The following ZDHHC16 variants were observed in gnomAD, a reference collection of about 807,000 sequenced individuals.
The protein encoded by ZDHHC16 is zDHHC palmitoyltransferase 16.
Under a neutral mutation model 54.4 loss-of-function variants are expected in ZDHHC16, and 33 were observed. The observed-to-expected ratio is 0.61, with a 90% CI of 0.46 to 0.81. The LOEUF is 0.81. ZDHHC16 is among the 30% of genes least tolerant of loss of function. The pLI is 0.00. For synonymous variants in ZDHHC16, 185 were observed against 182.1 expected, an observed-to-expected ratio of 1.02 and a Z score of -0.13; for missense variants, 420 against 485.9, an observed-to-expected ratio of 0.86 and a Z score of 1.28.
At chr10:97,456,429 C>CT in intron 11 of ZDHHC16, 2 of 306,334 alleles carry the variant, frequency 6.5e-6, no homozygotes, top group Non-Finnish European at 1.2e-5. Flanking sequence ...AGCTAGCTCT[C>CT]TCAGCCCAAG....
At position 97,454,758 on chromosome 10, in the gene ZDHHC16, G is replaced by C. The variant is rs1374795374; in HGVS notation, c.783G>C (p.Arg261Ser). ...CACCCACCTTCTCCTTTCGAGAAAG[G>C]ATGACTCACAAGAGTCTTGTCTACC... ...TPPPTFSFRERMTHKSLVYLW... is the reference protein window; with the variant it reads ...TPPPTFSFRESMTHKSLVYLW... The change falls in exon 9 of 12, where the codon AGG becomes AGC. Residue 261 changes from arginine (R) to serine (S), a missense_variant. Physicochemically the swap from Arg to Ser is moderately radical, Grantham distance 110. Coordinates refer to ENST00000393760, the MANE Select transcript of ZDHHC16 (RefSeq NM_198046.3). 2.5e-6 allele frequency: 4 copies of C among 1,614,152 alleles called. No individual in the cohort carries two copies. Among genetic ancestry groups the C allele is most frequent in the Non-Finnish European group, 3.4e-6 (4 of 1,180,026 alleles).
chr10:97,451,580 T>C, intron 2 of ZDHHC16, 91 bp from the exon 3 acceptor site: 1 of 1,509,936 alleles, frequency 6.6e-7, no homozygotes, highest in Non-Finnish European at 8.9e-7. Context: ...TCTTAGGTCT[T>C]TGCCCTCCAA....
At position 97,453,338 on chromosome 10, in the gene ZDHHC16, AAAAGCTT is replaced by A. The variant is rs879835151; in HGVS notation, c.557-191_557-185del. Reference sequence around the variant, plus strand: ...TTCTTGGTGGGACCTGAATGCTCTGAAAAGCTTTGAGCATTTTCACCTCAACCTTGGG... The same window carrying A: ...TTCTTGGTGGGACCTGAATGCTCTGATGAGCATTTTCACCTCAACCTTGGG... On this transcript the variant is annotated intron_variant, in intron 6 of 11. Transcript: ENST00000393760. 3.3e-4 allele frequency among the ~76,000 whole-genome samples: 51 copies of A among 152,246 alleles called. 1 individual carries two copies. The East Asian group carries it at 9.1e-3, about 27-fold the overall frequency.
intron 1 of ZDHHC16, among the ~76,000 whole-genome samples, chr10:97,449,134 G>A (rs1056641239): frequency 6.6e-6 from 1 of 152,092 alleles, no homozygotes; most frequent in Non-Finnish European, 1.5e-5. Flanking sequence ...CTAAAGAATT[G>A]GGTAAATCTG....
At chr10:97,453,993 C>A in intron 8 of ZDHHC16, 147 bp downstream of exon 8, 1 of 1,104,932 alleles carries the variant, frequency 9.1e-7, no homozygotes, top group Non-Finnish European at 1.3e-6. Context: ...GGCAGGCTGG[C>A]TGTGGTGGGT....
chr10:97,452,334 TC>T, intron 4 of ZDHHC16, 50 bp downstream of exon 4: 1 of 1,612,392 alleles, frequency 6.2e-7, no homozygotes. Context: ...TGGGAGCTGG[TC>T]CCAGGAGTGG....
intron 3 of ZDHHC16, 49 bp from the exon 4 acceptor site, chr10:97,452,041 T>C (rs1846682912): frequency 6.2e-7 from 1 of 1,611,592 alleles, no homozygotes. Context: ...GAGTCTCCTT[T>C]GGGCATAGCT....
In ZDHHC16 at chr10:97,452,396, A is replaced by G; in HGVS notation, c.439-19A>G. The G allele has an allele frequency of 6.2e-7, 1 of 1,613,722 alleles. No homozygotes were observed. Among genetic ancestry groups the G allele is most frequent in the South Asian group, 1.1e-5 (1 of 91,058 alleles). On this transcript the variant is annotated intron_variant, in intron 4 of 11. Coordinates refer to ENST00000393760, the MANE Select transcript of ZDHHC16 (RefSeq NM_198046.3). ...GAGACAGAACTGGTGCTGCCACGTT[A>G]TGCTCTCCCTTCACACAGGGCAGGA...
At chr10:97,449,510 G>A (rs1257780234) in intron 1 of ZDHHC16, among the ~76,000 whole-genome samples, 1 of 152,102 alleles carries the variant, frequency 6.6e-6, no homozygotes, top group East Asian at 1.9e-4. Flanking sequence ...CCAAACAATA[G>A]GGGTGGAAGT....
chr10:97,453,199 C>T (rs979744135), intron 6 of ZDHHC16, among the ~76,000 whole-genome samples: 9 of 152,172 alleles, frequency 5.9e-5, no homozygotes, highest in Admixed American at 2.6e-4. Flanking sequence ...TTACTGTGTA[C>T]GCCAGATAGA....
In ZDHHC16 at chr10:97,453,854, GT is replaced by G; in HGVS notation, c.738+9del. On this transcript the variant is annotated intron_variant, in intron 8 of 11. Coordinates refer to ENST00000393760, the MANE Select transcript of ZDHHC16 (RefSeq NM_198046.3). ...CAGGCGGTTGCCAACCAGGTGGGCT[GT>G]CCCCACCCCACTGCCTCCTGCTGCT... The G allele has an allele frequency of 1.2e-6, 2 of 1,614,166 alleles. No individual in the cohort carries two copies. The highest frequency in any genetic ancestry group is 1.7e-6 in the Non-Finnish European group (2 of 1,180,036).
chr10:97,452,018 C>G, intron 3 of ZDHHC16, 72 bp from the exon 4 acceptor site: 1 of 1,602,688 alleles, frequency 6.2e-7, no homozygotes, highest in Admixed American at 1.7e-5. Flanking sequence ...GCCCCCACCC[C>G]CAGGGAAACT....
rs991059495 is a variant in ZDHHC16, at chr10:97,451,440, T to C, written c.-5-231T>C. Among the ~76,000 whole-genome samples, 9 of 152,232 alleles carry C rather than the reference T, an allele frequency of 5.9e-5. 1 individual carries two copies. The highest frequency in any genetic ancestry group is 2.2e-4 in the African/African-American group (9 of 41,462). On this transcript the variant is annotated intron_variant, in intron 2 of 11. Coordinates refer to ENST00000393760, the MANE Select transcript of ZDHHC16 (RefSeq NM_198046.3). ...ACCATGTGGTGTAATTTAAGTACAA[T>C]TTCTGCAGGCTCAGAACCATCAGTT...
At chr10:97,452,604 C>A in intron 5 of ZDHHC16, 101 bp downstream of exon 5, 2 of 1,279,104 alleles carry the variant, frequency 1.6e-6, no homozygotes, top group South Asian at 1.4e-5. Flanking sequence ...GTGAATCACC[C>A]ATCGTGTCCC....
chr10:97,449,800 G>C (rs889946565), intron 1 of ZDHHC16, among the ~76,000 whole-genome samples: 47 of 151,920 alleles, frequency 3.1e-4, no homozygotes, highest in African/African-American at 1.1e-3. Flanking sequence ...AAAGTGTTGG[G>C]AGTACAGGCG....
rs762450029 is a variant in ZDHHC16 at position 97,453,827 on chromosome 10, T to C, written c.719T>C (p.Leu240Pro). The change falls in exon 8 of 12, where the codon CTA becomes CCA. Residue 240 changes from leucine (L) to proline (P), a missense_variant. Transcript: ENST00000393760. ...ATGAAACAGCTCGACAAGAACAAAC[T>C]ACAGGCGGTTGCCAACCAGGTGGGC... ...EKMKQLDKNKLQAVANQTYHQ... is the reference protein window; with the variant it reads ...EKMKQLDKNKPQAVANQTYHQ... The C allele has an allele frequency of 6.2e-7, 1 of 1,614,214 alleles. No individual in the cohort carries two copies. The highest frequency in any genetic ancestry group is 1.1e-5 in the South Asian group (1 of 91,084).
chr10:97,451,708 G>C lies in ZDHHC16; in HGVS notation c.33G>C (p.Pro11=), dbSNP rs997935731. 2.5e-6 allele frequency: 4 copies of C among 1,612,348 alleles called. No individual in the cohort carries two copies. Among genetic ancestry groups the C allele is most frequent in the Non-Finnish European group, 2.5e-6 (3 of 1,179,860 alleles). The part of the protein sequence containing the change: MRGQRSLLLG[P]ARLCLRLLLL... ...GCCAGCGGAGCCTGCTGCTGGGCCC[G>C]GCCCGCCTCTGCCTCCGCCTCCTTC... The change falls in exon 3 of 12, where the codon CCG becomes CCC. Residue 11 remains proline (P), a synonymous_variant. Transcript: ENST00000393760.
chr10:97,453,035 G>T, intron 6 of ZDHHC16, 112 bp downstream of exon 6: 1 of 1,398,164 alleles, frequency 7.2e-7, no homozygotes, highest in Non-Finnish European at 1.0e-6. Flanking sequence ...GAGTTGAGGA[G>T]TTGTGGGGCC....
Position 97,452,429 on chromosome 10 carries a change from C to A in ZDHHC16, c.453C>A (p.Ile151=). ...PGYPPQGRND[I]ATVSICKKCI... is the part of the protein sequence containing the mutation. ...CCTTCACACAGGGCAGGAATGATATCGCCACCGTCTCCATCTGTAAGAAGT... is the reference window on the plus strand; with the variant it reads ...CCTTCACACAGGGCAGGAATGATATAGCCACCGTCTCCATCTGTAAGAAGT... The change falls in exon 5 of 12, where the codon ATC becomes ATA. Residue 151 remains isoleucine (I), a synonymous_variant. Transcript: ENST00000393760. The A allele has an allele frequency of 6.2e-7, 1 of 1,614,130 alleles. No homozygotes were observed. Among genetic ancestry groups the A allele is most frequent in the Non-Finnish European group, 8.5e-7 (1 of 1,180,002 alleles).
Sources: allele counts gnomAD v4.1 joint callset (sites outside exome capture counted in the v4.1 genomes callset), GRCh38; gene constraint gnomAD v4.1.1; transcripts MANE v1.5; gene names NCBI Gene and HGNC (gene_info 2026-07-23, HGNC 2026-07-21).